TLK1: variants seen among roughly 807,000 people sequenced by gnomAD.
TLK1 encodes serine/threonine-protein kinase tousled-like 1.
TLK1 carries 24 observed loss-of-function variants against 105.3 expected under a neutral mutation model. The ratio of observed to expected loss-of-function variants is 0.23; its 90% confidence interval spans 0.17 to 0.32. The LOEUF (loss-of-function observed/expected upper bound fraction) is 0.32. Among genes scored for constraint, TLK1 ranks in the 10% least tolerant of loss-of-function variants. The pLI is 1.00. For synonymous variants in TLK1, 321 were observed against 310.4 expected (o/e 1.03, Z -0.36); for missense variants, 558 against 910.5 (o/e 0.61, Z 4.98).
intron 3 of TLK1, among the ~76,000 whole-genome samples, chr2:171,068,381 A>G (rs1288906530): frequency 6.6e-6 from 1 of 152,200 alleles, no homozygotes; most frequent in Admixed American, 6.5e-5. Flanking sequence ...TTCATTGTCC[A>G]GGCTGGACTG....
chr2:171,213,023 A>G (rs569713215), intron 1 of TLK1, among the ~76,000 whole-genome samples: 2 of 152,222 alleles, frequency 1.3e-5, no homozygotes, highest in Admixed American at 6.5e-5. Context: ...CAGAGTAGAC[A>G]TTACTTTGTA....
At chr2:171,004,449 A>T (rs142429225) in intron 18 of TLK1, among the ~76,000 whole-genome samples, 75 of 152,320 alleles carry the variant, frequency 4.9e-4, no homozygotes, top group Middle Eastern at 3.4e-3. Context: ...ATGACTGTAG[A>T]CATAAACCAA....
At chr2:171,060,170 C>T (rs1314264049) in intron 4 of TLK1, among the ~76,000 whole-genome samples, 2 of 152,094 alleles carry the variant, frequency 1.3e-5, no homozygotes, top group Non-Finnish European at 2.9e-5. Flanking sequence ...AGATGGCAGA[C>T]CACAAAGGAA....
intron 17 of TLK1, 34 bp downstream of exon 17, chr2:171,006,440 A>G (rs1259874849): frequency 6.5e-7 from 1 of 1,539,910 alleles, no homozygotes; most frequent in Non-Finnish European, 8.7e-7. Flanking sequence ...ACTATACTCA[A>G]GTTTAAAAAA....
chr2:171,150,111 C>G (rs1420607118), intron 1 of TLK1, among the ~76,000 whole-genome samples: 4 of 152,120 alleles, frequency 2.6e-5, no homozygotes, highest in Non-Finnish European at 5.9e-5. Flanking sequence ...AAGCCCAGTA[C>G]AGTATTTCTA....
intron 11 of TLK1, among the ~76,000 whole-genome samples, chr2:171,033,028 TG>T (rs1434394234): frequency 1.3e-5 from 2 of 151,998 alleles, no homozygotes; most frequent in Non-Finnish European, 2.9e-5. Context: ...GGCAACATGG[TG>T]AAACTCTGTC....
At chr2:171,185,437 A>C (rs1292991325) in intron 1 of TLK1, among the ~76,000 whole-genome samples, 9 of 152,216 alleles carry the variant, frequency 5.9e-5, no homozygotes, top group Admixed American at 5.9e-4. Context: ...GGATATTGAC[A>C]TATGACACTG....
intron 1 of TLK1, among the ~76,000 whole-genome samples, chr2:171,217,537 G>C (rs994792577): frequency 6.6e-6 from 1 of 152,182 alleles, no homozygotes; most frequent in African/African-American, 2.4e-5. Context: ...GGTATGAAAA[G>C]CAGACAGCAG....
intron 1 of TLK1, among the ~76,000 whole-genome samples, chr2:171,213,128 A>T (rs770899148): frequency 6.6e-6 from 1 of 152,056 alleles, no homozygotes; most frequent in Non-Finnish European, 1.5e-5. Flanking sequence ...AGGTTTTGCT[A>T]ATGGGTGAAT....
At chr2:171,187,867 C>G (rs1378200773) in intron 1 of TLK1, among the ~76,000 whole-genome samples, 2 of 152,178 alleles carry the variant, frequency 1.3e-5, no homozygotes, top group East Asian at 1.9e-4. Flanking sequence ...GAATAAGAAA[C>G]TTACTATAAG....
chr2:171,187,232 G>A (rs1275609651), intron 1 of TLK1, among the ~76,000 whole-genome samples: 2 of 151,768 alleles, frequency 1.3e-5, no homozygotes, highest in South Asian at 2.1e-4. Flanking sequence ...CCATCTCTAG[G>A]AGTCTCCCTT....
At chr2:171,195,471 C>G (rs1038662257) in intron 1 of TLK1, among the ~76,000 whole-genome samples, 1 of 143,448 alleles carries the variant, frequency 7.0e-6, no homozygotes, top group Non-Finnish European at 1.5e-5. Context: ...CCACTGCACT[C>G]CAGCTAGGTG....
intron 11 of TLK1, among the ~76,000 whole-genome samples, chr2:171,040,130 G>A (rs1372154631): frequency 1.3e-5 from 2 of 151,740 alleles, no homozygotes; most frequent in Non-Finnish European, 2.9e-5. Context: ...AATAAAAGGT[G>A]AGAAAAAAAG....
At chr2:171,141,850 C>T (rs1691588150) in intron 1 of TLK1, among the ~76,000 whole-genome samples, 1 of 151,848 alleles carries the variant, frequency 6.6e-6, no homozygotes, top group Non-Finnish European at 1.5e-5. Flanking sequence ...AGAAAATCAA[C>T]CCAGCTAGAA....
intron 8 of TLK1, among the ~76,000 whole-genome samples, chr2:171,051,566 C>T (rs1488791174): frequency 6.6e-6 from 1 of 152,118 alleles, no homozygotes; most frequent in East Asian, 1.9e-4. Context: ...AAGCCATGAA[C>T]TAACAATGAC....
rs369271591 is a variant in TLK1, at chr2:171,053,841, T to C, written c.652A>G (p.Met218Val). The change falls in exon 8 of 21, where the codon ATG (methionine) becomes GTG (valine). Residue 218 changes from methionine to valine, a missense_variant. By Grantham distance (21) the Met-to-Val change is conservative. Transcript: ENST00000431350. ...SFKIIQTDLTMLKLAALESNK... is the reference protein window; with the variant it reads ...SFKIIQTDLTVLKLAALESNK... ...CTTTCTAATGCTGCTAATTTCAGCA[T>C]TGTGAGATCAGTCTAAATGAAAAAA... 3.7e-6 allele frequency: 6 copies of C among 1,606,320 alleles called. No individual in the cohort carries two copies. Among genetic ancestry groups the C allele is most frequent in the East Asian group, 4.5e-5 (2 of 44,526 alleles).
At chr2:171,127,792 T>C (rs574787671) in intron 1 of TLK1, among the ~76,000 whole-genome samples, 25 of 151,656 alleles carry the variant, frequency 1.6e-4, no homozygotes, top group African/African-American at 6.0e-4. Context: ...AACATCGGTC[T>C]GTTTTGTACT....
intron 1 of TLK1, among the ~76,000 whole-genome samples, chr2:171,203,681 A>G (rs1693444653): frequency 6.6e-6 from 1 of 152,206 alleles, no homozygotes; most frequent in South Asian, 2.1e-4. Context: ...TTTATACAGA[A>G]TATATCAGAG....
intron 2 of TLK1, among the ~76,000 whole-genome samples, chr2:171,113,629 T>C (rs1027009758): frequency 2.0e-5 from 3 of 152,178 alleles, no homozygotes; most frequent in East Asian, 1.9e-4. Context: ...GTAAGTCATA[T>C]GTATGATAAA....
Sources: allele counts gnomAD v4.1 joint callset (sites outside exome capture counted in the v4.1 genomes callset), GRCh38; gene constraint gnomAD v4.1.1; transcripts MANE v1.5; gene names NCBI Gene and HGNC (gene_info 2026-07-23, HGNC 2026-07-21).